Variants in LSM14A observed in about 807,000 individuals in gnomAD.
LSM14A encodes protein LSM14 homolog A.
In LSM14A, 14 loss-of-function variants were observed where a neutral mutation model predicts 52.4. That is an observed-to-expected ratio of 0.27 (90% CI 0.18 to 0.42). LSM14A has a LOEUF of 0.42. Among genes scored for constraint, LSM14A ranks in the 10% least tolerant of loss-of-function variants. The pLI is 1.00. For synonymous variants in LSM14A, 185 were observed against 200.3 expected, an observed-to-expected ratio of 0.92 and a Z score of 0.64; for missense variants, 417 against 581.8, an observed-to-expected ratio of 0.72 and a Z score of 2.91.
chr19:34,215,701 A>C, intron 6 of LSM14A, 40 bp downstream of exon 6: 6 of 1,324,174 alleles, frequency 4.5e-6, no homozygotes, highest in African/African-American at 1.5e-5. Flanking sequence ...TATGCTTCTC[A>C]ACAGGGAGAA....
chr19:34,214,465 C>T lies in LSM14A; in HGVS notation c.539-659C>T, dbSNP rs1023922086. 2.6e-5 allele frequency among the ~76,000 whole-genome samples: 4 copies of T among 152,084 alleles called. No individual in the cohort carries two copies. The East Asian group carries it at 5.8e-4, about 22-fold the overall frequency. Reference sequence around the variant, plus strand: ...CTGGGAACACAGGCACGCGCCACCACGCCTGGCTAATTTTTGTATTTTCAG... The same window carrying T: ...CTGGGAACACAGGCACGCGCCACCATGCCTGGCTAATTTTTGTATTTTCAG... On this transcript the variant is annotated intron_variant, in intron 4 of 9. Transcript: ENST00000544216.
intron 3 of LSM14A, 107 bp downstream of exon 3, chr19:34,196,870 T>C (rs1568483076): frequency 1.0e-6 from 1 of 958,080 alleles, no homozygotes; most frequent in East Asian, 2.7e-5. Context: ...TTGATGTTCC[T>C]TTTGTAACTT....
At chr19:34,216,195 C>T (rs2072573954) in intron 6 of LSM14A, among the ~76,000 whole-genome samples, 1 of 152,206 alleles carries the variant, frequency 6.6e-6, no homozygotes, top group East Asian at 1.9e-4. Flanking sequence ...GGGCGGATCA[C>T]GAGGTCAGGA....
intron 1 of LSM14A, among the ~76,000 whole-genome samples, chr19:34,191,558 CTT>C (rs1033238466): frequency 6.6e-6 from 1 of 151,098 alleles, no homozygotes. Flanking sequence ...TAAAATTTTT[CTT>C]GATTCCCTGA....
chr19:34,185,793 A>G (rs1410611717), intron 1 of LSM14A, among the ~76,000 whole-genome samples: 2 of 152,208 alleles, frequency 1.3e-5, no homozygotes, highest in Non-Finnish European at 2.9e-5. Context: ...AGAGCTGTAC[A>G]TATATATAAA....
intron 8 of LSM14A, 76 bp downstream of exon 8, chr19:34,219,953 T>G (rs1330123773): frequency 9.7e-7 from 1 of 1,035,532 alleles, no homozygotes; most frequent in African/African-American, 1.6e-5. Flanking sequence ...ATTCACGAGG[T>G]TTAATGAATA....
At chr19:34,189,244 C>G (rs1038931883) in intron 1 of LSM14A, among the ~76,000 whole-genome samples, 2 of 152,126 alleles carry the variant, frequency 1.3e-5, no homozygotes, top group African/African-American at 4.8e-5. Context: ...ACTTTGAAGC[C>G]TAATGCTGTG....
At chr19:34,213,470 C>T (rs2072321942) in intron 4 of LSM14A, among the ~76,000 whole-genome samples, 1 of 152,164 alleles carries the variant, frequency 6.6e-6, no homozygotes. Flanking sequence ...CATCTAGGTA[C>T]ATAATAATGC....
chr19:34,185,433 A>G (rs1599666399), intron 1 of LSM14A, among the ~76,000 whole-genome samples: 1 of 152,338 alleles, frequency 6.6e-6, no homozygotes, highest in South Asian at 2.1e-4. Context: ...GGAAGAAAGT[A>G]GTGTGGGTAA....
At chr19:34,204,080 T>C (rs1478674134) in intron 3 of LSM14A, among the ~76,000 whole-genome samples, 3 of 151,956 alleles carry the variant, frequency 2.0e-5, no homozygotes, top group East Asian at 1.9e-4. Context: ...GAGGTAAAGG[T>C]TGGGGGGGCG....
In LSM14A at chr19:34,194,499, A is replaced by T. The variant is rs890531705; in HGVS notation, c.143A>T (p.Asp48Val). Residue 48 changes from aspartate (D) to valine (V), a missense_variant, in exon 2 of 10, where the codon GAC (aspartate) becomes GTC (valine). Asp to Val is a radical substitution (Grantham distance 152). Transcript: ENST00000544216. Reference sequence around the variant, plus strand: ...CCAGTTCGATCCTTTGGTACAGAAGACAGACCGACAGATCGTCCAATACCA... The same window carrying T: ...CCAGTTCGATCCTTTGGTACAGAAGTCAGACCGACAGATCGTCCAATACCA... ...LAKVRSFGTE[D>V]RPTDRPIPPR... 1 of 1,614,066 alleles carries T rather than the reference A, an allele frequency of 6.2e-7. No homozygotes were observed. Among genetic ancestry groups the T allele is most frequent in the Non-Finnish European group, 8.5e-7 (1 of 1,180,016 alleles).
chr19:34,192,319 G>GTTGTTTTTTTTTTTTTTTTTTTT (rs60512063), intron 1 of LSM14A, among the ~76,000 whole-genome samples: 7 of 53,408 alleles, frequency 1.3e-4, no homozygotes, highest in African/African-American at 5.7e-4. Flanking sequence ...TCTTTTTGTT[G>GTTGTTTTTTTTTTTTTTTTTTTT]TTTTTTTTTT....
intron 4 of LSM14A, among the ~76,000 whole-genome samples, chr19:34,212,595 T>A (rs2072249955): frequency 6.6e-6 from 1 of 152,230 alleles, no homozygotes; most frequent in African/African-American, 2.4e-5. Context: ...CAACTAAAAT[T>A]GCTGAATTTC....
chr19:34,222,742 A>G (rs1035431413), intron 9 of LSM14A, among the ~76,000 whole-genome samples: 1 of 152,198 alleles, frequency 6.6e-6, no homozygotes, highest in Non-Finnish European at 1.5e-5. Flanking sequence ...GCCAAAAATT[A>G]TACTCAAGTC....
chr19:34,209,125 C>T, intron 4 of LSM14A, 74 bp downstream of exon 4: 1 of 1,286,796 alleles, frequency 7.8e-7, no homozygotes, highest in Non-Finnish European at 1.1e-6. Flanking sequence ...AATGTAAGAG[C>T]TTTTGCAGCT....
At chr19:34,220,007 TTA>T in intron 8 of LSM14A, 130 bp downstream of exon 8, 1 of 695,420 alleles carries the variant, frequency 1.4e-6, no homozygotes, top group Non-Finnish European at 2.4e-6. Context: ...TCTTACTCTG[TTA>T]CTCAGGCTGG....
At chr19:34,210,531 C>G (rs1217359223) in intron 4 of LSM14A, among the ~76,000 whole-genome samples, 2 of 152,196 alleles carry the variant, frequency 1.3e-5, no homozygotes, top group East Asian at 3.8e-4. Flanking sequence ...CTTGGCCTCC[C>G]AAAGTGCTGG....
At chr19:34,174,146 A>G (rs1051477567) in intron 1 of LSM14A, among the ~76,000 whole-genome samples, 1 of 152,102 alleles carries the variant, frequency 6.6e-6, no homozygotes, top group Non-Finnish European at 1.5e-5. Flanking sequence ...ACGGGGTTTC[A>G]CCATGTTGGC....
chr19:34,191,384 G>A (rs940176956), intron 1 of LSM14A, among the ~76,000 whole-genome samples: 1 of 148,356 alleles, frequency 6.7e-6, no homozygotes, highest in African/African-American at 2.4e-5. Flanking sequence ...GCAAACTGCT[G>A]GTAATGGAAA....
Sources: allele counts gnomAD v4.1 joint callset (sites outside exome capture counted in the v4.1 genomes callset), GRCh38; gene constraint gnomAD v4.1.1; transcripts MANE v1.5; gene names NCBI Gene and HGNC (gene_info 2026-07-23, HGNC 2026-07-21).